The following CFAP47 variants were observed in gnomAD, a reference collection of about 807,000 sequenced individuals.
CFAP47 encodes the protein cilia and flagella associated protein 47, also known as cilia- and flagella-associated protein 47.
A neutral mutation model predicts 148.1 loss-of-function variants in CFAP47; 29 were observed. That is an observed-to-expected ratio of 0.20 (90% CI 0.15 to 0.27). CFAP47 has a LOEUF of 0.27. CFAP47 is among the 10% of genes least tolerant of loss of function. The probability of loss-of-function intolerance (pLI) is 1.00; values close to 1 mark genes in which losing one functional copy is unlikely to be tolerated. For missense variants in CFAP47, 1,872 were observed against 1,697.5 expected (o/e 1.10, Z -1.81); for synonymous variants, 664 against 577.3 (o/e 1.15, Z -2.15).
intron 25 of CFAP47, among the ~76,000 whole-genome samples, chrX:36,040,564 C>G (rs1303728693): frequency 9.0e-6 from 1 of 111,002 alleles, no homozygotes; most frequent in Non-Finnish European, 1.9e-5. Flanking sequence ...ATTCAAGTCT[C>G]AAAAATTTTT....
chrX:35,941,462 C>A (rs1480757769), intron 3 of CFAP47, 64 bp downstream of exon 3: 3 of 575,893 alleles, frequency 5.2e-6, no homozygotes, highest in South Asian at 4.1e-5. Flanking sequence ...GAAATGTATA[C>A]CTTGTGTAAT....
At chrX:35,922,053 C>T (rs770289646) in intron 1 of CFAP47, among the ~76,000 whole-genome samples, 2 of 111,252 alleles carry the variant, frequency 1.8e-5, no homozygotes, top group African/African-American at 6.5e-5. Flanking sequence ...TTCAATCTCA[C>T]GAACACTATC....
chrX:36,109,926 T>G (rs1251728445), intron 33 of CFAP47, among the ~76,000 whole-genome samples: 1 of 112,314 alleles, frequency 8.9e-6, no homozygotes, highest in East Asian at 2.8e-4. Context: ...TGTCTGTTCA[T>G]GTCCTTTGCC....
intron 57 of CFAP47, among the ~76,000 whole-genome samples, chrX:36,336,311 C>T (rs1420666609): frequency 9.4e-6 from 1 of 105,852 alleles, no homozygotes; most frequent in Non-Finnish European, 2.0e-5. Context: ...TCACATTCTC[C>T]CCCAGCTGGT....
At chrX:36,124,922 G>A (rs1938809502) in intron 33 of CFAP47, among the ~76,000 whole-genome samples, 2 of 110,808 alleles carry the variant, frequency 1.8e-5, no homozygotes, top group African/African-American at 6.6e-5. Context: ...ACACAATAGG[G>A]AACTCAGAAC....
At chrX:36,355,636 A>G (rs1941779535) in intron 60 of CFAP47, among the ~76,000 whole-genome samples, 1 of 112,048 alleles carries the variant, frequency 8.9e-6, no homozygotes, top group Non-Finnish European at 1.9e-5. Flanking sequence ...ACCACTTAAT[A>G]TGATAAATTT....
chrX:36,218,637 G>T (rs1940183144), intron 45 of CFAP47, among the ~76,000 whole-genome samples: 1 of 111,836 alleles, frequency 8.9e-6, no homozygotes, highest in Admixed American at 9.5e-5. Context: ...ATTTAAAGAG[G>T]TTTATTCTGA....
intron 61 of CFAP47, among the ~76,000 whole-genome samples, chrX:36,364,688 C>T (rs1186666044): frequency 4.6e-5 from 5 of 107,722 alleles, no homozygotes; most frequent in African/African-American, 1.7e-4. Context: ...TCTAATGGAG[C>T]GAGTAAAGGA....
chrX:36,300,898 A>G (rs1238207305), intron 52 of CFAP47, among the ~76,000 whole-genome samples, 174 bp from the exon 53 acceptor site: 1 of 112,494 alleles, frequency 8.9e-6, no homozygotes, highest in East Asian at 2.8e-4. Flanking sequence ...TTTCTCAACC[A>G]AAAATGAAGA....
chrX:36,171,381 G>A (rs1223056135), intron 39 of CFAP47, among the ~76,000 whole-genome samples: 1 of 111,032 alleles, frequency 9.0e-6, no homozygotes, highest in Non-Finnish European at 1.9e-5. Context: ...CCATGCTTGT[G>A]TCCTGAATGG....
In CFAP47 at chrX:35,919,892, G is replaced by A; in HGVS notation, c.93G>A (p.Met31Ile). Residue 31 changes from methionine to isoleucine, a missense_variant, in exon 1 of 64, where the codon ATG (methionine) becomes ATA (isoleucine). Physicochemically the swap from Met to Ile is conservative, Grantham distance 10 (BLOSUM62 1). Transcript: ENST00000378653. ...IQRGSLVPRD[M>I]DSSGRDMQLR... ...GGGGTTCCCTCGTCCCCCGGGATATGGATAGCTCGGGTAGAGACATGCAGC... is the reference window on the plus strand; with the variant it reads ...GGGGTTCCCTCGTCCCCCGGGATATAGATAGCTCGGGTAGAGACATGCAGC... 8.3e-7 allele frequency: 1 copy of A among 1,211,004 alleles called. No individual in the cohort carries two copies. The highest frequency in any genetic ancestry group is 1.1e-6 in the Non-Finnish European group (1 of 895,196).
intron 26 of CFAP47, among the ~76,000 whole-genome samples, chrX:36,061,099 G>A (rs1306453267): frequency 2.7e-5 from 3 of 110,405 alleles, no homozygotes; most frequent in East Asian, 2.9e-4. Flanking sequence ...TGCTGTTCTC[G>A]CAGTAGTGAG....
intron 33 of CFAP47, among the ~76,000 whole-genome samples, chrX:36,125,081 C>T (rs1938812680): frequency 2.7e-5 from 3 of 110,309 alleles, no homozygotes; most frequent in East Asian, 2.8e-4. Context: ...TACCATATAC[C>T]GAAAATGAAT....
At chrX:36,057,412 T>C (rs963285761) in intron 26 of CFAP47, among the ~76,000 whole-genome samples, 1 of 111,492 alleles carries the variant, frequency 9.0e-6, no homozygotes, top group African/African-American at 3.3e-5. Context: ...GACATGGTGA[T>C]TGATAGCAAG....
At chrX:36,346,611 C>T (rs894867631) in intron 57 of CFAP47, among the ~76,000 whole-genome samples, 1 of 111,203 alleles carries the variant, frequency 9.0e-6, no homozygotes. Context: ...GAAACATATA[C>T]GAGAAAATAA....
intron 2 of CFAP47, among the ~76,000 whole-genome samples, chrX:35,935,132 G>A (rs1267079509): frequency 2.7e-5 from 3 of 111,452 alleles, no homozygotes; most frequent in Non-Finnish European, 3.8e-5. Flanking sequence ...TTTAACACTA[G>A]AACTCATCTA....
chrX:36,238,926 A>G (rs1555995393), intron 48 of CFAP47, among the ~76,000 whole-genome samples: 1 of 112,152 alleles, frequency 8.9e-6, no homozygotes, highest in African/African-American at 3.2e-5. Context: ...ATAATCTGTT[A>G]CTATAGACTA....
chrX:36,155,591 T>C (rs886160414), intron 37 of CFAP47, among the ~76,000 whole-genome samples: 1 of 111,480 alleles, frequency 9.0e-6, no homozygotes, highest in East Asian at 2.8e-4. Context: ...TGAATCTGGG[T>C]TTCAGATGCC....
At chrX:36,061,262 A>G (rs1201730823) in intron 26 of CFAP47, among the ~76,000 whole-genome samples, 1 of 111,696 alleles carries the variant, frequency 9.0e-6, no homozygotes, top group Non-Finnish European at 1.9e-5. Context: ...CCTCCTGTAC[A>G]GCGTGCAGAA....
Sources: allele counts gnomAD v4.1 joint callset (sites outside exome capture counted in the v4.1 genomes callset), GRCh38; gene constraint gnomAD v4.1.1; transcripts MANE v1.5; gene names NCBI Gene and HGNC (gene_info 2026-07-23, HGNC 2026-07-21).